The following EXT2 variants were observed in gnomAD, a reference collection of about 807,000 sequenced individuals.
EXT2 encodes the protein exostosin glycosyltransferase 2.
A neutral mutation model predicts 81.6 loss-of-function variants in EXT2; 53 were observed. That is an observed-to-expected ratio of 0.65 (90% confidence interval 0.52 to 0.82). EXT2 has a LOEUF of 0.82. Among genes scored for constraint, EXT2 ranks in the 40% least tolerant of loss-of-function variants. The probability of loss-of-function intolerance (pLI) is 0.00; values close to 1 mark genes in which losing one functional copy is unlikely to be tolerated. For missense variants in EXT2, 774 were observed against 910.2 expected (o/e 0.85, Z 1.93); for synonymous variants, 320 against 340.0 (o/e 0.94, Z 0.65).
At chr11:44,194,235 A>G (rs1289548075) in intron 8 of EXT2, among the ~76,000 whole-genome samples, 3 of 152,018 alleles carry the variant, frequency 2.0e-5, no homozygotes, top group Non-Finnish European at 4.4e-5. Flanking sequence ...TTAGTGGTGT[A>G]TTTACCTTTT....
intron 7 of EXT2, among the ~76,000 whole-genome samples, chr11:44,156,251 T>G (rs1304145927): frequency 6.6e-6 from 1 of 152,228 alleles, no homozygotes; most frequent in Non-Finnish European, 1.5e-5. Flanking sequence ...CTTCTAATAC[T>G]TGAATATTGA....
chr11:44,179,829 A>G (rs189837213), intron 8 of EXT2, among the ~76,000 whole-genome samples: 1 of 152,266 alleles, frequency 6.6e-6, no homozygotes, highest in East Asian at 1.9e-4. Context: ...CACTGCTTCA[A>G]TGAGAGGTTG....
chr11:44,185,571 T>G (rs1955299692), intron 8 of EXT2, among the ~76,000 whole-genome samples: 2 of 152,118 alleles, frequency 1.3e-5, no homozygotes, highest in South Asian at 4.2e-4. Flanking sequence ...ACAAAACATA[T>G]GCTTTATTGG....
chr11:44,107,890 A>T lies in EXT2; in HGVS notation c.178A>T (p.Lys60Ter). ...IESSNDWNVE[K>*]RSIRDVPVVR... is the part of the protein sequence containing the mutation. ...GTCCTCAAATGACTGGAATGTAGAG[A>T]AGCGCAGCATCCGTGATGTGCCGGT... Residue 60 changes from lysine (K) to a stop codon, truncating the protein, a stop_gained, in exon 2 of 14, where the codon AAG becomes TAG. Transcript: ENST00000533608. LOFTEE classifies it high-confidence loss of function. The T allele has an allele frequency of 6.2e-7, 1 of 1,614,184 alleles. No individual in the cohort carries two copies. The highest frequency in any genetic ancestry group is 8.5e-7 in the Non-Finnish European group (1 of 1,180,048).
intron 8 of EXT2, among the ~76,000 whole-genome samples, chr11:44,177,009 T>C (rs989855070): frequency 6.6e-6 from 1 of 152,056 alleles, no homozygotes; most frequent in African/African-American, 2.4e-5. Context: ...CTAGATGCTT[T>C]GTCACTCTTA....
At chr11:44,222,909 AT>A (rs1393949807) in intron 10 of EXT2, among the ~76,000 whole-genome samples, 2 of 152,256 alleles carry the variant, frequency 1.3e-5, no homozygotes, top group Non-Finnish European at 2.9e-5. Flanking sequence ...CATCTAGAAT[AT>A]GTTTTTTAAA....
At chr11:44,114,579 A>G (rs1254047399) in intron 4 of EXT2, among the ~76,000 whole-genome samples, 1 of 152,190 alleles carries the variant, frequency 6.6e-6, no homozygotes, top group African/African-American at 2.4e-5. Flanking sequence ...ATATCAAAGT[A>G]GGAAGTCGTA....
At chr11:44,144,473 G>A in intron 7 of EXT2, 1 of 764,920 alleles carries the variant, frequency 1.3e-6, no homozygotes, top group Non-Finnish European at 2.1e-6. Flanking sequence ...GGCTCTTGGA[G>A]GTGCAAGCCA....
chr11:44,111,268 C>T (rs985444533), intron 3 of EXT2, among the ~76,000 whole-genome samples: 2 of 152,008 alleles, frequency 1.3e-5, no homozygotes, highest in Non-Finnish European at 2.9e-5. Flanking sequence ...AAAATCCATA[C>T]ACATGATACA....
intron 7 of EXT2, among the ~76,000 whole-genome samples, chr11:44,168,644 T>C (rs577227376): frequency 5.9e-5 from 9 of 152,340 alleles, no homozygotes; most frequent in Non-Finnish European, 1.2e-4. Flanking sequence ...TGTCAGCTGA[T>C]TTATTAATGA....
At chr11:44,153,129 A>G (rs553433473) in intron 7 of EXT2, among the ~76,000 whole-genome samples, 1 of 152,332 alleles carries the variant, frequency 6.6e-6, no homozygotes. Flanking sequence ...TCTTGACAAT[A>G]TTGAGTCCTC....
chr11:44,138,682 C>T (rs1954604697), intron 7 of EXT2, among the ~76,000 whole-genome samples: 1 of 152,006 alleles, frequency 6.6e-6, no homozygotes, highest in Non-Finnish European at 1.5e-5. Flanking sequence ...ACTGTGGGTC[C>T]CAGTCCAGAA....
intron 8 of EXT2, among the ~76,000 whole-genome samples, chr11:44,185,138 T>C (rs187042199): frequency 6.6e-6 from 1 of 152,340 alleles, no homozygotes; most frequent in Non-Finnish European, 1.5e-5. Flanking sequence ...TGGTTTAATG[T>C]ACAAGTCTCA....
intron 4 of EXT2, among the ~76,000 whole-genome samples, chr11:44,122,244 G>A (rs1423092017): frequency 6.6e-6 from 1 of 152,098 alleles, no homozygotes; most frequent in African/African-American, 2.4e-5. Flanking sequence ...ACTTTTTACT[G>A]AAAAAGTTTC....
intron 4 of EXT2, among the ~76,000 whole-genome samples, chr11:44,120,787 G>A (rs1363401576): frequency 1.3e-5 from 2 of 152,164 alleles, no homozygotes; most frequent in African/African-American, 2.4e-5. Flanking sequence ...AGCTGTTTTG[G>A]CCTCAGCTGG....
chr11:44,104,048 T>C (rs1954021272), intron 1 of EXT2, among the ~76,000 whole-genome samples: 2 of 152,214 alleles, frequency 1.3e-5, no homozygotes, highest in African/African-American at 2.4e-5. Flanking sequence ...TGTTGTGATA[T>C]GTCTTTTTTA....
In EXT2 at chr11:44,159,151, T is replaced by C. The variant is rs116553987; in HGVS notation, c.1174-12460T>C. Reference sequence around the variant, plus strand: ...TTTTTTTTTCTTCATTTATTCTGTTTATTGTTCTCTGAGCTTCCTGGATCT... The same window carrying C: ...TTTTTTTTTCTTCATTTATTCTGTTCATTGTTCTCTGAGCTTCCTGGATCT... On this transcript the variant is annotated intron_variant, in intron 7 of 13. Coordinates refer to ENST00000533608, the MANE Select transcript of EXT2 (RefSeq NM_207122.2). 5.4e-3 allele frequency among the ~76,000 whole-genome samples: 818 copies of C among 151,744 alleles called. 13 individuals are homozygous for C. The highest frequency in any genetic ancestry group is 0.019 in the African/African-American group (776 of 41,448).
At chr11:44,189,572 G>C (rs573694748) in intron 8 of EXT2, among the ~76,000 whole-genome samples, 9 of 152,270 alleles carry the variant, frequency 5.9e-5, no homozygotes, top group African/African-American at 2.2e-4. Context: ...GAAGAGAGAA[G>C]GGGGAGGTAC....
Position 44,244,473 on chromosome 11 carries a change from G to T in EXT2, c.*186G>T. The T allele has an allele frequency of 1.6e-6, 1 of 618,178 alleles. No individual in the cohort carries two copies. 38.3% of individuals were successfully genotyped at this position (618,178 alleles called of 1,614,324 possible). On this transcript the variant is annotated 3_prime_UTR_variant, in exon 14 of 14. Transcript: ENST00000533608. ...TAGAATGAATATCCAAGCACCTCGA[G>T]CTATGCAACCTCTGTTCTTGTATTT...
Sources: gnomAD v4.1 joint callset for allele counts (sites outside exome capture counted in the v4.1 genomes callset) on GRCh38, gnomAD v4.1.1 for gene constraint, MANE v1.5 for transcripts, NCBI Gene and HGNC (gene_info 2026-07-23, HGNC 2026-07-21) for gene names.